DDIT4L: variants seen among roughly 807,000 people sequenced by gnomAD.
DDIT4L encodes the protein DNA damage inducible transcript 4 like.
In DDIT4L, 13 loss-of-function variants were observed where a neutral mutation model predicts 15.9. The observed-to-expected ratio is 0.82, with a 90% CI of 0.53 to 1.30. DDIT4L has a LOEUF of 1.30. DDIT4L is among the 50% of genes most tolerant of loss of function. DDIT4L has a pLI of 0.00. For missense variants in DDIT4L, 235 were observed against 224.8 expected (o/e 1.05, Z -0.29); for synonymous variants, 82 against 85.4 (o/e 0.96, Z 0.22).
chr4:100,189,921 A>G lies in DDIT4L; in HGVS notation c.63T>C (p.Cys21=), dbSNP rs1723486604. Residue 21 remains cysteine, a synonymous_variant, in exon 2 of 3, where the codon TGT becomes TGC. Coordinates refer to ENST00000273990, the MANE Select transcript of DDIT4L (RefSeq NM_145244.4). ...NPASISELLD[C]GYHPESLLSD... is the part of the protein sequence containing the mutation. The stretch of plus-strand genomic sequence containing the variant: ...TTAGCAGGCTCTCTGGGTGATAGCC[A>G]CAGTCCAGCAATTCTGAAATGCTGG... 1 of 1,614,024 alleles carries G rather than the reference A, an allele frequency of 6.2e-7. No individual in the cohort carries two copies. The highest frequency in any genetic ancestry group is 1.3e-5 in the African/African-American group (1 of 74,938).
In DDIT4L at chr4:100,189,900, C is replaced by G; in HGVS notation, c.84G>C (p.Leu28=). The G allele has an allele frequency of 6.2e-7, 1 of 1,614,058 alleles. No homozygotes were observed. The highest frequency in any genetic ancestry group is 1.3e-5 in the African/African-American group (1 of 75,056). ...LLDCGYHPES[L]LSDFDYWDYV... is the part of the protein sequence containing the mutation. ...GACAGCGGGGACACTCACCACTTAG[C>G]AGGCTCTCTGGGTGATAGCCACAGT... Residue 28 remains leucine (L), a synonymous_variant, in exon 2 of 3, where the codon CTG becomes CTC. Coordinates refer to ENST00000273990, the MANE Select transcript of DDIT4L (RefSeq NM_145244.4).
Position 100,187,298 on chromosome 4 carries a change from G to GA in DDIT4L, c.*378dup, listed in dbSNP as rs1371296090. 2.6e-5 allele frequency: 4 copies of GA among 154,902 alleles called. No homozygotes were observed. The highest frequency in any genetic ancestry group is 3.8e-4 in the East Asian group (2 of 5,282). 9.6% of individuals were successfully genotyped at this position (154,902 alleles called of 1,614,324 possible). Reference sequence around the variant, plus strand: ...TTAAAAAATCCTCTGAAAACTTACAGAAAAAAAAGCCATATGAAAATCAAA... The same window carrying GA: ...TTAAAAAATCCTCTGAAAACTTACAGAAAAAAAAAGCCATATGAAAATCAAA... On this transcript the variant is annotated 3_prime_UTR_variant, in exon 3 of 3. Transcript: ENST00000273990.
rs1317309194 is a variant in DDIT4L at position 100,187,235 on chromosome 4, T to G, written c.*442A>C. 2 of 152,606 alleles carry G rather than the reference T, an allele frequency of 1.3e-5. No homozygotes were observed. Among genetic ancestry groups the G allele is most frequent in the African/African-American group, 4.8e-5 (2 of 41,460 alleles). 9.5% of individuals were successfully genotyped at this position (152,606 alleles called of 1,614,324 possible). ...ACTGGTGGTGTGGGCTTTTGGAAGT[T>G]TTGATAGGCTAAATATCATTTAGTA... On this transcript the variant is annotated 3_prime_UTR_variant, in exon 3 of 3. Coordinates refer to ENST00000273990, the MANE Select transcript of DDIT4L (RefSeq NM_145244.4).
rs1209047784 is a variant in DDIT4L at position 100,187,637 on chromosome 4, A to T, written c.*40T>A. 5 of 1,557,488 alleles carry T rather than the reference A, an allele frequency of 3.2e-6. No individual in the cohort carries two copies. Among genetic ancestry groups the T allele is most frequent in the African/African-American group, 1.4e-5 (1 of 71,328 alleles). On this transcript the variant is annotated 3_prime_UTR_variant, in exon 3 of 3. Transcript: ENST00000273990. ...TTTAGCTGACTAGCTGAATAGTTTT[A>T]CTACCCAATCATGAAATAATCTTTA...
In DDIT4L at chr4:100,187,701, T is replaced by TCCAA. The variant is rs1262218603; in HGVS notation, c.554_557dup (p.Thr187TrpfsTer6). 6.2e-6 allele frequency: 10 copies of TCCAA among 1,607,018 alleles called. No individual in the cohort carries two copies. Among genetic ancestry groups the TCCAA allele is most frequent in the Non-Finnish European group, 8.5e-6 (10 of 1,178,404 alleles). On this transcript the variant is annotated frameshift_variant, in exon 3 of 3. Transcript: ENST00000273990. LOFTEE classifies it high-confidence loss of function. ...TTTAGGACCCTTCAATCACTGTTGT[T>TCCAA]CCAATCAGTGAGTAAAGTTTTTTCT...
rs891594730 is a variant in DDIT4L, at chr4:100,190,279, C to A, written c.-50+24G>T. On this transcript the variant is annotated intron_variant, in intron 1 of 2. Coordinates refer to ENST00000273990, the MANE Select transcript of DDIT4L (RefSeq NM_145244.4). ...GAGCGCCCCCCGGCCCCGCTGCCCC[C>A]ACCAAGGCCGCAGCTTCGCTCACCT... The A allele has an allele frequency of 1.8e-5, 7 of 398,696 alleles. No homozygotes were observed. In the East Asian group the frequency reaches 2.2e-4, roughly 13 times the overall value. The allele number at this position is 398,696 out of a possible 1,614,324, so 24.7% of individuals were successfully genotyped here. A position where few individuals can be genotyped will look rare whatever the true frequency, so the allele number is the denominator to read the frequency against.
chr4:100,190,276 C>T, intron 1 of DDIT4L, 27 bp downstream of exon 1: 2 of 409,034 alleles, frequency 4.9e-6, no homozygotes, highest in South Asian at 2.7e-5. Context: ...GCCCCGCTGC[C>T]CCCACCAAGG....
chr4:100,188,217 G>T, intron 2 of DDIT4L, 50 bp from the exon 3 acceptor site: 1 of 1,546,320 alleles, frequency 6.5e-7, no homozygotes. Context: ...AAATTTAAGA[G>T]TAGAAAAAAA....
At chr4:100,188,299 G>A (rs1486348821) in intron 2 of DDIT4L, 132 bp from the exon 3 acceptor site, 2 of 960,106 alleles carry the variant, frequency 2.1e-6, no homozygotes, top group African/African-American at 1.7e-5. Flanking sequence ...TTCAGAGTCA[G>A]CTGACCTCAA....
rs1723450408 is a variant in DDIT4L, at chr4:100,187,987, T to C, written c.272A>G (p.Asp91Gly). The C allele has an allele frequency of 6.2e-7, 1 of 1,614,154 alleles. No individual in the cohort carries two copies. The highest frequency in any genetic ancestry group is 8.5e-7 in the Non-Finnish European group (1 of 1,180,046). ...CTCCGTTGAGGAAAGCCGCAGGACA[T>C]CTTGAGCAATTCTCTGGGTCAGTTT... ...PEKLTQRIAQ[D>G]VLRLSSTEPC... is the part of the protein sequence containing the mutation. The change falls in exon 3 of 3, where the codon GAT becomes GGT. Residue 91 changes from aspartate to glycine, a missense_variant. Coordinates refer to ENST00000273990, the MANE Select transcript of DDIT4L (RefSeq NM_145244.4).
At chr4:100,188,240 C>T (rs1723456802) in intron 2 of DDIT4L, 73 bp from the exon 3 acceptor site, 1 of 1,450,730 alleles carries the variant, frequency 6.9e-7, no homozygotes, top group East Asian at 2.3e-5. Context: ...ACCAAGATAT[C>T]AACATTGGTT....
At chr4:100,188,235 G>A in intron 2 of DDIT4L, 68 bp from the exon 3 acceptor site, 1 of 1,472,546 alleles carries the variant, frequency 6.8e-7, no homozygotes, top group Non-Finnish European at 9.1e-7. Flanking sequence ...AAAACACCAA[G>A]ATATCAACAT....
At chr4:100,188,302 G>T in intron 2 of DDIT4L, 135 bp from the exon 3 acceptor site, 1 of 928,366 alleles carries the variant, frequency 1.1e-6, no homozygotes, top group Non-Finnish European at 1.6e-6. Context: ...AGAGTCAGCT[G>T]ACCTCAATTA....
At chr4:100,188,248 GT>G in intron 2 of DDIT4L, 81 bp from the exon 3 acceptor site, 1 of 1,416,530 alleles carries the variant, frequency 7.1e-7, no homozygotes, top group Non-Finnish European at 9.5e-7. Flanking sequence ...ATCAACATTG[GT>G]TACCTCTATC....
In DDIT4L at chr4:100,187,553, GAA is replaced by G; in HGVS notation, c.*122_*123del. On this transcript the variant is annotated 3_prime_UTR_variant, in exon 3 of 3. Transcript: ENST00000273990. ...TTGCTATGAATGTGAAACACAGAAA[GAA>G]AAGAGACTACATTTGGGGTTTCTTA... The G allele has an allele frequency of 9.1e-7, 1 of 1,100,142 alleles. No individual in the cohort carries two copies. The allele number at this position is 1,100,142 out of a possible 1,614,324, so 68.1% of individuals were successfully genotyped here.
intron 1 of DDIT4L, 25 bp downstream of exon 1, chr4:100,190,278 C>G (rs1723495041): frequency 2.5e-6 from 1 of 398,682 alleles, no homozygotes; most frequent in African/African-American, 2.1e-5. Flanking sequence ...CCCGCTGCCC[C>G]CACCAAGGCC....
chr4:100,189,024 T>C (rs1723469168), intron 2 of DDIT4L, among the ~76,000 whole-genome samples: 4 of 152,244 alleles, frequency 2.6e-5, no homozygotes. Context: ...TGCAGGCAGA[T>C]GCCCTCCCAG....
Position 100,187,700 on chromosome 4 carries a change from T to C in DDIT4L, c.559A>G (p.Thr187Ala). Residue 187 changes from threonine to alanine, a missense_variant, in exon 3 of 3, where the codon ACA becomes GCA. Transcript: ENST00000273990. ...TTTTAGGACCCTTCAATCACTGTTG[T>C]TCCAATCAGTGAGTAAAGTTTTTTC... ...VKKKLYSLIG[T>A]TVIEGS 1.2e-6 allele frequency: 2 copies of C among 1,606,664 alleles called. No homozygotes were observed. The highest frequency in any genetic ancestry group is 2.2e-5 in the East Asian group (1 of 44,852).
chr4:100,189,080 C>T (rs902011485), intron 2 of DDIT4L, among the ~76,000 whole-genome samples: 1 of 152,258 alleles, frequency 6.6e-6, no homozygotes, highest in African/African-American at 2.4e-5. Flanking sequence ...ACTGGCTTTT[C>T]CTCTCCACTT....
Sources: allele counts gnomAD v4.1 joint callset (sites outside exome capture counted in the v4.1 genomes callset), GRCh38; gene constraint gnomAD v4.1.1; transcripts MANE v1.5; gene names NCBI Gene and HGNC (gene_info 2026-07-23, HGNC 2026-07-21).